The following DROSHA variants were observed in gnomAD, a reference collection of about 807,000 sequenced individuals.
The protein encoded by DROSHA is drosha ribonuclease III, also known as ribonuclease 3.
In DROSHA, 56 loss-of-function variants were observed where a neutral mutation model predicts 181.9. That is an observed-to-expected ratio of 0.31 (90% CI 0.25 to 0.38). The LOEUF is 0.38. Ranked by LOEUF, DROSHA falls within the 10% of genes least tolerant of loss-of-function variation. The pLI is 1.00. For synonymous variants in DROSHA, 524 were observed against 591.2 expected, an observed-to-expected ratio of 0.89 and a Z score of 1.65; for missense variants, 1,218 against 1,743.5, an observed-to-expected ratio of 0.70 and a Z score of 5.37.
intron 20 of DROSHA, among the ~76,000 whole-genome samples, chr5:31,455,977 A>G (rs1291797658): frequency 6.6e-6 from 1 of 152,176 alleles, no homozygotes; most frequent in Non-Finnish European, 1.5e-5. Context: ...GTTTTATGCC[A>G]GAAAACAATG....
At position 31,466,266 on chromosome 5, in the gene DROSHA, CCA is replaced by C; in HGVS notation, c.2380_2381del (p.Trp794GlufsTer13). On this transcript the variant is annotated frameshift_variant, in exon 19 of 36. Transcript: ENST00000344624. LOFTEE classifies it high-confidence loss of function. ...YAGDPQYQKLWKSYVKLRHLL... is the reference protein window; with the variant it reads ...YAGDPQYQKLXKSYVKLRHLL... ...GGTGGCGAAGTTTCACATAACTCTTCCACAGTTTTTGGTACCTAAGGAAAAGG... is the reference window on the plus strand; with the variant it reads ...GGTGGCGAAGTTTCACATAACTCTTCCAGTTTTTGGTACCTAAGGAAAAGG... 1.9e-6 allele frequency: 3 copies of C among 1,613,602 alleles called. No individual in the cohort carries two copies. Among genetic ancestry groups the C allele is most frequent in the Non-Finnish European group, 2.5e-6 (3 of 1,179,660 alleles).
At chr5:31,465,399 T>C (rs1343302477) in intron 19 of DROSHA, among the ~76,000 whole-genome samples, 2 of 152,204 alleles carry the variant, frequency 1.3e-5, no homozygotes, top group Non-Finnish European at 2.9e-5. Flanking sequence ...GGCAGACCAA[T>C]GGAAGACAAT....
At chr5:31,405,751 C>CT (rs1475872219) in intron 34 of DROSHA, 28 bp from the exon 35 acceptor site, 1 of 622,370 alleles carries the variant, frequency 1.6e-6, no homozygotes, top group Non-Finnish European at 2.5e-6. Context: ...GTAAGACATA[C>CT]TTTAATTTCA....
At chr5:31,501,314 T>C (rs1300831847) in intron 11 of DROSHA, among the ~76,000 whole-genome samples, 1 of 151,784 alleles carries the variant, frequency 6.6e-6, no homozygotes, top group Non-Finnish European at 1.5e-5. Flanking sequence ...GTCTACTGAA[T>C]CACAGATCTA....
chr5:31,507,321 G>A (rs1580335567), intron 10 of DROSHA, among the ~76,000 whole-genome samples: 1 of 152,130 alleles, frequency 6.6e-6, no homozygotes, highest in Admixed American at 6.5e-5. Flanking sequence ...TTGGCCAGGC[G>A]TGGAGGCGCA....
chr5:31,507,652 G>A (rs1738150357), intron 10 of DROSHA, among the ~76,000 whole-genome samples: 1 of 152,048 alleles, frequency 6.6e-6, no homozygotes, highest in Non-Finnish European at 1.5e-5. Context: ...CATATATGGA[G>A]GAAGTTTATT....
At chr5:31,418,956 C>T (rs1742302432) in intron 30 of DROSHA, among the ~76,000 whole-genome samples, 1 of 152,032 alleles carries the variant, frequency 6.6e-6, no homozygotes. Context: ...AAGTCATCTG[C>T]CGGTAAGATG....
chr5:31,456,819 T>C (rs980163593), intron 20 of DROSHA, among the ~76,000 whole-genome samples: 10 of 152,172 alleles, frequency 6.6e-5, no homozygotes, highest in Admixed American at 6.5e-4. Context: ...TGGAGTACAG[T>C]AGTACAATCA....
intron 13 of DROSHA, among the ~76,000 whole-genome samples, chr5:31,490,874 T>C (rs1752319951): frequency 6.6e-6 from 1 of 152,172 alleles, no homozygotes. Context: ...GGGTTTGTCA[T>C]AGAATAAAGT....
chr5:31,432,077 T>C (rs1221601273), intron 25 of DROSHA, among the ~76,000 whole-genome samples: 2 of 151,394 alleles, frequency 1.3e-5, no homozygotes, highest in South Asian at 2.1e-4. Flanking sequence ...GAAAGTCAAT[T>C]TTACGTCTTT....
chr5:31,459,941 C>G (rs375845080), intron 20 of DROSHA, among the ~76,000 whole-genome samples: 133 of 152,236 alleles, frequency 8.7e-4, no homozygotes, highest in African/African-American at 3.1e-3. Context: ...TGGCATGAGT[C>G]TCCTACTGGT....
At position 31,508,736 on chromosome 5, in the gene DROSHA, C is replaced by T. The variant is rs2150052731; in HGVS notation, c.1472G>A (p.Ser491Asn). Residue 491 changes from serine (S) to asparagine (N), a missense_variant, in exon 10 of 36, where the codon AGC becomes AAC. Transcript: ENST00000344624. ...SESECESDED[S>N]TCSSSSDSEV... The stretch of plus-strand genomic sequence containing the variant: ...AGAGTCTGAGCTGCTAGAACAGGTG[C>T]TGTCCTCATCAGACTCACACTCGGA... 1 of 1,613,872 alleles carries T rather than the reference C, an allele frequency of 6.2e-7. No homozygotes were observed. Among genetic ancestry groups the T allele is most frequent in the Non-Finnish European group, 8.5e-7 (1 of 1,179,864 alleles).
At chr5:31,509,377 C>T (rs1001560957) in intron 9 of DROSHA, among the ~76,000 whole-genome samples, 1 of 151,966 alleles carries the variant, frequency 6.6e-6, no homozygotes, top group Non-Finnish European at 1.5e-5. Context: ...AGTAGTAGTA[C>T]GTAGTTTAAC....
intron 34 of DROSHA, among the ~76,000 whole-genome samples, chr5:31,406,088 T>C (rs1740623013): frequency 6.6e-6 from 1 of 151,514 alleles, no homozygotes; most frequent in Non-Finnish European, 1.5e-5. Context: ...TACAGACAGG[T>C]TTCAAATCAT....
At chr5:31,509,897 G>A (rs1471530135) in intron 9 of DROSHA, among the ~76,000 whole-genome samples, 2 of 152,106 alleles carry the variant, frequency 1.3e-5, no homozygotes, top group Non-Finnish European at 2.9e-5. Context: ...GGTCTGGGGA[G>A]TTATTCCTTA....
At chr5:31,446,115 CA>C (rs1406170831) in intron 23 of DROSHA, among the ~76,000 whole-genome samples, 1 of 152,080 alleles carries the variant, frequency 6.6e-6, no homozygotes, top group Non-Finnish European at 1.5e-5. Context: ...ACTGTATTTC[CA>C]AACACTTGCA....
intron 35 of DROSHA, among the ~76,000 whole-genome samples, 156 bp downstream of exon 35, chr5:31,405,521 G>A (rs547178328): frequency 2.0e-5 from 3 of 151,902 alleles, no homozygotes; most frequent in Non-Finnish European, 2.9e-5. Context: ...ATTTTAGAAT[G>A]TCTCACATTC....
At chr5:31,524,012 A>G (rs953314924) in intron 5 of DROSHA, among the ~76,000 whole-genome samples, 3 of 151,180 alleles carry the variant, frequency 2.0e-5, no homozygotes, top group Admixed American at 6.6e-5. Flanking sequence ...AAAAAAAACT[A>G]TCACATGCCT....
rs1026615218 is a variant in DROSHA, at chr5:31,515,481, C to A, written c.1031G>T (p.Trp344Leu). 1 of 1,457,580 alleles carries A rather than the reference C, an allele frequency of 6.9e-7. No homozygotes were observed. The highest frequency in any genetic ancestry group is 2.0e-5 in the Admixed American group (1 of 50,904). 90.3% of individuals were successfully genotyped at this position (1,457,580 alleles called of 1,614,324 possible). A position where few individuals can be genotyped will look rare whatever the true frequency, so the allele number is the denominator to read the frequency against. ...PGEIIKNTDS[W>L]APPLEIVNHR... ...ATTCACAATCTCCAGGGGTGGGGCC[C>A]AAGAATCTGTATTTTTAATAATCTC... The change falls in exon 7 of 36, where the codon TGG (tryptophan) becomes TTG (leucine). Residue 344 changes from tryptophan (W) to leucine (L), a missense_variant. Transcript: ENST00000344624.
Sources: allele counts gnomAD v4.1 joint callset (sites outside exome capture counted in the v4.1 genomes callset), GRCh38; gene constraint gnomAD v4.1.1; transcripts MANE v1.5; gene names NCBI Gene and HGNC (gene_info 2026-07-23, HGNC 2026-07-21).